RBBP7: variants seen among roughly 807,000 people sequenced by gnomAD.
The protein encoded by RBBP7 is histone-binding protein RBBP7.
A neutral mutation model predicts 35.2 loss-of-function variants in RBBP7; 5 were observed. That is an observed-to-expected ratio of 0.14 (90% CI 0.07 to 0.30). RBBP7 has a LOEUF of 0.30. Among genes scored for constraint, RBBP7 ranks in the 10% least tolerant of loss-of-function variants. RBBP7 has a pLI of 1.00. For synonymous variants in RBBP7, 140 were observed against 118.7 expected (o/e 1.18, Z -1.17); for missense variants, 155 against 327.5 (o/e 0.47, Z 4.07).
At chrX:16,854,935 A>C (rs5924532) in intron 5 of RBBP7, among the ~76,000 whole-genome samples, 55,258 of 106,188 alleles carry the variant, frequency 0.52, 11,700 homozygotes, top group East Asian at 0.85. Context: ...AAGAAATAAT[A>C]CCATGAAGGT....
rs1930701042 is a variant in RBBP7, at chrX:16,869,108, A to G, written c.129T>C (p.Ser43=). Residue 43 remains serine, a synonymous_variant, in exon 2 of 12, where the codon AGT becomes AGC. Transcript: ENST00000380087. ...LVMTHALQWP[S]LTVQWLPEVT... ...CTTCAGGAAGCCACTGAACGGTAAG[A>G]CTGGGCCACTGAAGAGCATGGGTCA... 8.3e-7 allele frequency: 1 copy of G among 1,210,050 alleles called. No homozygotes were observed. Among genetic ancestry groups the G allele is most frequent in the African/African-American group, 1.7e-5 (1 of 57,289 alleles).
In RBBP7 at chrX:16,857,452, C is replaced by T. The variant is rs993250711; in HGVS notation, c.597+142G>A. The T allele has an allele frequency of 6.2e-6, 6 of 969,306 alleles. No homozygotes were observed. In the South Asian group the frequency reaches 7.4e-5, roughly 12 times the overall value. 79.9% of individuals were successfully genotyped at this position (969,306 alleles called of 1,213,427 possible). A position where few individuals can be genotyped will look rare whatever the true frequency, so the allele number is the denominator to read the frequency against. On this transcript the variant is annotated intron_variant, in intron 5 of 11. Coordinates refer to ENST00000380087, the MANE Select transcript of RBBP7 (RefSeq NM_002893.4). ...ATACAGGGCAGTATGAAAACCATCT[C>T]TCTAAAGTCCTGGGGGAATGTTACC...
rs1172201180 is a variant in RBBP7 at position 16,870,288 on chromosome X, G to C, written c.-235C>G. 12 of 326,941 alleles carry C rather than the reference G, an allele frequency of 3.7e-5. No individual in the cohort carries two copies. The highest frequency in any genetic ancestry group is 5.2e-5 in the Non-Finnish European group (12 of 232,992). The allele number at this position is 326,941 out of a possible 1,213,427, so 26.9% of individuals were successfully genotyped here. A position where few individuals can be genotyped will look rare whatever the true frequency, so the allele number is the denominator to read the frequency against. On this transcript the variant is annotated 5_prime_UTR_variant, in exon 1 of 12. Coordinates refer to ENST00000380087, the MANE Select transcript of RBBP7 (RefSeq NM_002893.4). Reference sequence around the variant, plus strand: ...GCTCTTCTCTCTCTCTCCAAACTTGGAACGAGACTTTTCAACCCGCGCCTC... The same window carrying C: ...GCTCTTCTCTCTCTCTCCAAACTTGCAACGAGACTTTTCAACCCGCGCCTC...
intron 6 of RBBP7, chrX:16,853,451 T>C: frequency 3.5e-6 from 1 of 282,265 alleles, no homozygotes. Context: ...CACACCACCA[T>C]ACCCAACTAA....
intron 1 of RBBP7, 103 bp from the exon 2 acceptor site, chrX:16,869,323 T>C (rs1930707712): frequency 1.9e-6 from 2 of 1,068,842 alleles, no homozygotes; most frequent in Admixed American, 5.4e-5. Context: ...CTCTTTCCTT[T>C]TACCTCTAAT....
rs1334889714 is a variant in RBBP7, at chrX:16,852,401, C to T, written c.963+150G>A. On this transcript the variant is annotated intron_variant, in intron 8 of 11. Transcript: ENST00000380087. ...TCCCAGAAGCTTTTTAATTCTTCAA[C>T]AAGGTGTACCTTACCCTATGAGCAT... 4.6e-6 allele frequency: 3 copies of T among 647,708 alleles called. No individual in the cohort carries two copies. The Admixed American group carries it at 8.0e-5, about 17-fold the overall frequency. The allele number at this position is 647,708 out of a possible 1,213,427, so 53.4% of individuals were successfully genotyped here.
chrX:16,860,248 A>G (rs776506937), intron 3 of RBBP7, among the ~76,000 whole-genome samples: 2 of 71,252 alleles, frequency 2.8e-5, no homozygotes, highest in South Asian at 2.4e-3. Context: ...TCCTTTAGCT[A>G]AAACAACCTG....
intron 5 of RBBP7, among the ~76,000 whole-genome samples, chrX:16,854,936 C>A (rs1162149140): frequency 1.9e-5 from 2 of 107,789 alleles, no homozygotes; most frequent in African/African-American, 6.8e-5. Flanking sequence ...AGAAATAATA[C>A]CATGAAGGTA....
At chrX:16,853,616 G>T (rs758595117) in intron 6 of RBBP7, 66 bp downstream of exon 6, 38 of 987,723 alleles carry the variant, frequency 3.8e-5, no homozygotes, top group Non-Finnish European at 4.5e-5. Context: ...ACTACAGCCT[G>T]CAGCAATCAC....
intron 10 of RBBP7, chrX:16,848,754 T>C (rs1930145470): frequency 8.9e-6 from 1 of 111,908 alleles, no homozygotes; most frequent in African/African-American, 3.3e-5. Context: ...GATGGGCAGA[T>C]ACCACCACAT....
intron 1 of RBBP7, 162 bp downstream of exon 1, chrX:16,869,876 T>C (rs1482503687): frequency 1.2e-4 from 98 of 810,328 alleles, no homozygotes; most frequent in Non-Finnish European, 1.4e-4. Flanking sequence ...GGCGCGGCGG[T>C]CCCGTCCCGC....
intron 8 of RBBP7, 25 bp downstream of exon 8, chrX:16,852,526 C>T (rs936087865): frequency 1.7e-6 from 2 of 1,196,261 alleles, no homozygotes; most frequent in Non-Finnish European, 2.3e-6. Flanking sequence ...TCCTGACATA[C>T]AGACACCAGA....
In RBBP7 at chrX:16,862,940, A is replaced by G; in HGVS notation, c.307+15T>C. 8.3e-7 allele frequency: 1 copy of G among 1,205,512 alleles called. No individual in the cohort carries two copies. The highest frequency in any genetic ancestry group is 3.0e-5 in the East Asian group (1 of 33,780). ...TTCCCTTTGACACCAATATTGGAAT[A>G]TATGATATACCTACCACCCTTGTCA... On this transcript the variant is annotated intron_variant, in intron 3 of 11. Transcript: ENST00000380087.
intron 2 of RBBP7, among the ~76,000 whole-genome samples, chrX:16,866,523 C>CAAAAAAAAAAAAAAAAAAAAAAAAA (rs55729039): frequency 3.1e-5 from 1 of 32,592 alleles, no homozygotes; most frequent in Non-Finnish European, 4.9e-5. Flanking sequence ...GAGACTGTCT[C>CAAAAAAAAAAAAAAAAAAAAAAAAA]AAAAAAAAAA....
intron 2 of RBBP7, among the ~76,000 whole-genome samples, chrX:16,864,294 C>T (rs942152360): frequency 3.8e-4 from 42 of 110,377 alleles, no homozygotes; most frequent in Admixed American, 1.3e-3. Context: ...CCAAGGCAGG[C>T]GGATCACCTG....
chrX:16,847,077 T>G (rs1930096819), intron 10 of RBBP7: 1 of 110,473 alleles, frequency 9.1e-6, no homozygotes, highest in African/African-American at 3.3e-5. Flanking sequence ...TGCAGTGAAC[T>G]AAGACTGCGC....
At chrX:16,864,893 T>A (rs1484092801) in intron 2 of RBBP7, among the ~76,000 whole-genome samples, 1 of 108,911 alleles carries the variant, frequency 9.2e-6, no homozygotes, top group Admixed American at 9.8e-5. Context: ...ACATACTTTA[T>A]GAGGACTTGG....
chrX:16,862,533 T>C (rs1369203498), intron 3 of RBBP7, among the ~76,000 whole-genome samples: 6 of 110,393 alleles, frequency 5.4e-5, no homozygotes, highest in African/African-American at 1.7e-4. Flanking sequence ...CAGATTTTTC[T>C]CATTAAAAAA....
rs1405508010 is a variant in RBBP7, at chrX:16,845,107, G to C, written c.1210-4C>G. ...CATCATTGTAAATATTTTCAGCCTGGAGATAACCAAATAAATTCACAGGTA... is the reference window on the plus strand; with the variant it reads ...CATCATTGTAAATATTTTCAGCCTGCAGATAACCAAATAAATTCACAGGTA... On this transcript the variant is annotated splice_region_variant and splice_polypyrimidine_tract_variant and intron_variant, in intron 11 of 11. Coordinates refer to ENST00000380087, the MANE Select transcript of RBBP7 (RefSeq NM_002893.4). 1.7e-6 allele frequency: 2 copies of C among 1,191,092 alleles called. No individual in the cohort carries two copies. Among genetic ancestry groups the C allele is most frequent in the Admixed American group, 2.2e-5 (1 of 45,492 alleles).
Sources: allele counts gnomAD v4.1 joint callset (sites outside exome capture counted in the v4.1 genomes callset), GRCh38; gene constraint gnomAD v4.1.1; transcripts MANE v1.5; gene names NCBI Gene and HGNC (gene_info 2026-07-23, HGNC 2026-07-21).